Variants in KDM4B observed in about 807,000 individuals in gnomAD.
KDM4B encodes the protein lysine-specific demethylase 4B.
In KDM4B, 32 loss-of-function variants were observed where a neutral mutation model predicts 125.2. The ratio of observed to expected loss-of-function variants is 0.26; its 90% CI spans 0.19 to 0.34. The LOEUF is 0.34. Among genes scored for constraint, KDM4B ranks in the 10% least tolerant of loss-of-function variants. KDM4B has a pLI of 1.00. For missense variants in KDM4B, 1,190 were observed against 1,577.7 expected (o/e 0.75, Z 4.16); for synonymous variants, 721 against 677.9 (o/e 1.06, Z -0.99).
At chr19:5,116,948 G>A (rs746232353) in intron 10 of KDM4B, among the ~76,000 whole-genome samples, 8 of 152,290 alleles carry the variant, frequency 5.3e-5, no homozygotes, top group South Asian at 2.1e-4. Flanking sequence ...AGAAACACGC[G>A]AAGGGGGATG....
intron 1 of KDM4B, among the ~76,000 whole-genome samples, chr19:5,002,665 T>TA (rs879679139): frequency 2.7e-5 from 4 of 150,018 alleles, no homozygotes; most frequent in South Asian, 4.4e-4. Context: ...CCTGGCTAAT[T>TA]AAAAAAAATA....
rs1033134086 is a variant in KDM4B, at chr19:5,141,102, G to A, written c.2551-2865G>A. On this transcript the variant is annotated intron_variant, in intron 18 of 22. Coordinates refer to ENST00000159111, the MANE Select transcript of KDM4B (RefSeq NM_015015.3). This position sits in a 1 kb window ranked among gnomAD's most constrained non-coding sequence, Gnocchi z 6.4. Reference sequence around the variant, plus strand: ...AGCCCGGGCTCCCATGCACTGGTGCGAGGTGCCCACGAGCCCGGCGGGCTT... The same window carrying A: ...AGCCCGGGCTCCCATGCACTGGTGCAAGGTGCCCACGAGCCCGGCGGGCTT... The A allele has an allele frequency of 5.3e-5, 8 of 152,280 alleles. No individual in the cohort carries two copies. The highest frequency in any genetic ancestry group is 8.8e-5 in the Non-Finnish European group (6 of 68,078). The allele number at this position is 152,280 out of a possible 1,614,324, so 9.4% of individuals were successfully genotyped here. A position where few individuals can be genotyped will look rare whatever the true frequency, so the allele number is the denominator to read the frequency against.
intron 9 of KDM4B, among the ~76,000 whole-genome samples, chr19:5,103,258 C>T (rs1376104910): frequency 2.0e-5 from 3 of 152,258 alleles, no homozygotes; most frequent in Non-Finnish European, 4.4e-5. Flanking sequence ...CTTGGCACGA[C>T]GTCCTGAAGC....
chr19:5,087,963 G>T (rs1483890986), intron 9 of KDM4B, among the ~76,000 whole-genome samples: 1 of 152,214 alleles, frequency 6.6e-6, no homozygotes, highest in African/African-American at 2.4e-5. Context: ...TAAGTCTCCT[G>T]TGTAGGAATC....
intron 6 of KDM4B, among the ~76,000 whole-genome samples, chr19:5,065,589 C>T (rs1383148182): frequency 6.6e-6 from 1 of 152,240 alleles, no homozygotes; most frequent in Admixed American, 6.5e-5. Flanking sequence ...AGAAATTACA[C>T]TATTAATAGC....
chr19:5,005,169 G>A (rs1327328395), intron 1 of KDM4B, among the ~76,000 whole-genome samples: 1 of 152,238 alleles, frequency 6.6e-6, no homozygotes. Flanking sequence ...GTTGATGGTG[G>A]ACTTCTGTCA....
intron 1 of KDM4B, among the ~76,000 whole-genome samples, chr19:4,992,892 C>T (rs2035073170): frequency 6.6e-6 from 1 of 152,158 alleles, no homozygotes; most frequent in South Asian, 2.1e-4. Flanking sequence ...AAATTACTTT[C>T]TGTTGTTGAT....
intron 1 of KDM4B, among the ~76,000 whole-genome samples, chr19:4,995,054 C>T (rs1312690030): frequency 6.6e-6 from 1 of 152,096 alleles, no homozygotes; most frequent in Non-Finnish European, 1.5e-5. Context: ...CTGAATGGTG[C>T]CTCTTCTTTT....
chr19:5,119,132 A>C, intron 10 of KDM4B: 1 of 1,531,684 alleles, frequency 6.5e-7, no homozygotes, highest in South Asian at 1.2e-5. Flanking sequence ...ATTAGTCTGA[A>C]AGAAAACAGA....
chr19:4,993,279 G>A (rs550430706), intron 1 of KDM4B, among the ~76,000 whole-genome samples: 4 of 152,016 alleles, frequency 2.6e-5, no homozygotes, highest in Non-Finnish European at 4.4e-5. Context: ...GTGTGGTGGC[G>A]CATGCCTGTA....
intron 1 of KDM4B, among the ~76,000 whole-genome samples, chr19:4,969,975 G>C (rs1227736964): frequency 1.3e-5 from 2 of 152,124 alleles, no homozygotes; most frequent in Admixed American, 6.5e-5. Context: ...TCGCCATCTC[G>C]AACGAAGCCC....
chr19:5,119,053 G>T, intron 10 of KDM4B: 1 of 1,006,940 alleles, frequency 9.9e-7, no homozygotes, highest in South Asian at 1.4e-5. Flanking sequence ...AGGTGGCCAG[G>T]ACCAGGCGTC....
chr19:4,996,838 G>A (rs2035217542), intron 1 of KDM4B, among the ~76,000 whole-genome samples: 1 of 152,274 alleles, frequency 6.6e-6, no homozygotes, highest in South Asian at 2.1e-4. Context: ...CTCAAATTCG[G>A]CACTCTTGCT....
chr19:5,056,509 G>A (rs1387159065), intron 6 of KDM4B, among the ~76,000 whole-genome samples: 1 of 151,410 alleles, frequency 6.6e-6, no homozygotes. Context: ...AGGTTCAAGC[G>A]ATTCTCCTGC....
intron 6 of KDM4B, among the ~76,000 whole-genome samples, chr19:5,058,586 C>T (rs934140182): frequency 4.0e-4 from 60 of 151,786 alleles, no homozygotes; most frequent in Non-Finnish European, 1.3e-4. Context: ...TGGTGGGAGC[C>T]GGGGCTGGCT....
At chr19:5,055,362 G>A (rs531310735) in intron 6 of KDM4B, among the ~76,000 whole-genome samples, 2 of 152,360 alleles carry the variant, frequency 1.3e-5, no homozygotes, top group South Asian at 2.1e-4. Flanking sequence ...GTGTTTGTTC[G>A]GGGACTGCAG....
In KDM4B at chr19:5,131,282, G is replaced by A. The variant is rs760145423; in HGVS notation, c.1522G>A (p.Val508Ile). The change falls in exon 12 of 23, where the codon GTC (valine) becomes ATC (isoleucine). Residue 508 changes from valine (V) to isoleucine (I), a missense_variant. Transcript: ENST00000159111. Reference sequence around the variant, plus strand: ...GAGCCCCCTGCCGGCACCCCTTAATGTCGTGCCCCCTGAGGTGCCCAGTGA... The same window carrying A: ...GAGCCCCCTGCCGGCACCCCTTAATATCGTGCCCCCTGAGGTGCCCAGTGA... ...EESPLPAPLNVVPPEVPSEEL... is the reference protein window; with the variant it reads ...EESPLPAPLNIVPPEVPSEEL... The A allele has an allele frequency of 8.1e-6, 13 of 1,611,798 alleles. No homozygotes were observed. The Admixed American group carries it at 1.8e-4, about 23-fold the overall frequency.
intron 4 of KDM4B, among the ~76,000 whole-genome samples, chr19:5,040,933 G>A (rs1039168303): frequency 6.6e-6 from 1 of 152,250 alleles, no homozygotes; most frequent in Admixed American, 6.5e-5. Flanking sequence ...GGAGGGGTAC[G>A]TGGGTTTGGG....
intron 11 of KDM4B, among the ~76,000 whole-genome samples, chr19:5,130,620 A>T (rs1443645569): frequency 6.6e-6 from 1 of 152,274 alleles, no homozygotes; most frequent in African/African-American, 2.4e-5. Context: ...CATCAACAGT[A>T]GAAATGTACG....
Sources: gnomAD v4.1 joint callset for allele counts (sites outside exome capture counted in the v4.1 genomes callset) on GRCh38, gnomAD v4.1.1 for gene constraint, Gnocchi (gnomAD v3.1) non-coding constraint, MANE v1.5 for transcripts, NCBI Gene and HGNC (gene_info 2026-07-23, HGNC 2026-07-21) for gene names.